The following NTM variants were observed in gnomAD, a reference collection of about 807,000 sequenced individuals.
NTM encodes neurotrimin.
A neutral mutation model predicts 42.1 loss-of-function variants in NTM; 13 were observed. That is an observed-to-expected ratio of 0.31 (90% confidence interval 0.20 to 0.49). The LOEUF (loss-of-function observed/expected upper bound fraction) is 0.49, where lower values mean the gene tolerates loss of function less well. Among genes scored for constraint, NTM ranks in the 20% least tolerant of loss-of-function variants. The pLI is 0.99. For synonymous variants in NTM, 187 were observed against 179.2 expected, an observed-to-expected ratio of 1.04 and a Z score of -0.35; for missense variants, 373 against 452.8, an observed-to-expected ratio of 0.82 and a Z score of 1.60.
At chr11:131,524,364 T>C (rs928192125) in intron 1 of NTM, among the ~76,000 whole-genome samples, 1 of 152,098 alleles carries the variant, frequency 6.6e-6, no homozygotes, top group African/African-American at 2.4e-5. Context: ...CTGGGCCTGG[T>C]GCTGACATGT....
intron 1 of NTM, among the ~76,000 whole-genome samples, chr11:131,460,674 T>C (rs1339008369): frequency 6.6e-6 from 1 of 152,122 alleles, no homozygotes; most frequent in Non-Finnish European, 1.5e-5. Flanking sequence ...TGCCTCAACC[T>C]CCTGAGTAGC....
At chr11:131,724,280 C>A (rs1463833183) in intron 1 of NTM, among the ~76,000 whole-genome samples, 3 of 152,088 alleles carry the variant, frequency 2.0e-5, no homozygotes, top group Non-Finnish European at 4.4e-5. Flanking sequence ...GCCCATCTGG[C>A]TCCTGGCACC....
At chr11:132,305,368 C>T (rs769412673) in intron 4 of NTM, among the ~76,000 whole-genome samples, 18 of 152,202 alleles carry the variant, frequency 1.2e-4, no homozygotes, top group Admixed American at 2.0e-4. Flanking sequence ...GTCCCTGCTC[C>T]GACCCTGGAG....
At chr11:131,881,509 C>CA (rs372489485) in intron 1 of NTM, among the ~76,000 whole-genome samples, 78,151 of 145,094 alleles carry the variant, frequency 0.54, 21,053 homozygotes, top group East Asian at 0.82. Flanking sequence ...CACACACACA[C>CA]CCCCCAAAGC....
intron 1 of NTM, among the ~76,000 whole-genome samples, chr11:131,397,763 G>T (rs34690063): frequency 1.3e-5 from 2 of 152,106 alleles, no homozygotes; most frequent in Non-Finnish European, 2.9e-5. Flanking sequence ...CACCAGCCAT[G>T]CCTTCTCTTT....
chr11:131,965,208 A>G (rs1440686718), intron 2 of NTM, among the ~76,000 whole-genome samples: 2 of 152,100 alleles, frequency 1.3e-5, no homozygotes, highest in Admixed American at 1.3e-4. Flanking sequence ...AGGAACATAT[A>G]CAGAAGCCAA....
intron 1 of NTM, among the ~76,000 whole-genome samples, chr11:131,718,534 C>T (rs971754389): frequency 2.6e-5 from 4 of 152,176 alleles, no homozygotes; most frequent in Non-Finnish European, 1.5e-5. Context: ...CTGGTAGGAA[C>T]AGGCAAGCAT....
At chr11:131,830,073 C>T (rs2042625462) in intron 1 of NTM, among the ~76,000 whole-genome samples, 1 of 152,112 alleles carries the variant, frequency 6.6e-6, no homozygotes, top group Non-Finnish European at 1.5e-5. Context: ...ATGCATTCTC[C>T]ATATTGACCT....
At chr11:132,056,570 C>T (rs769591403) in intron 2 of NTM, among the ~76,000 whole-genome samples, 12 of 152,124 alleles carry the variant, frequency 7.9e-5, no homozygotes, top group African/African-American at 2.4e-4. Context: ...TGAATGAATA[C>T]GTCAATGAAT....
intron 1 of NTM, among the ~76,000 whole-genome samples, chr11:131,691,885 G>C (rs1592579198): frequency 1.3e-5 from 2 of 152,358 alleles, no homozygotes; most frequent in Admixed American, 1.3e-4. Context: ...ACTGCTGGGC[G>C]AGGTAAATAT....
chr11:132,030,720 G>T (rs1445920848), intron 2 of NTM, among the ~76,000 whole-genome samples: 1 of 152,192 alleles, frequency 6.6e-6, no homozygotes, highest in Admixed American at 6.5e-5. Flanking sequence ...TTAAGAAGAA[G>T]ATATGATTCT....
At chr11:131,487,345 T>G (rs755060129) in intron 1 of NTM, among the ~76,000 whole-genome samples, 1 of 152,238 alleles carries the variant, frequency 6.6e-6, no homozygotes, top group African/African-American at 2.4e-5. Flanking sequence ...CAGGGCTTAA[T>G]GAATACTGGA....
At chr11:131,523,924 C>T (rs992188049) in intron 1 of NTM, among the ~76,000 whole-genome samples, 23 of 151,568 alleles carry the variant, frequency 1.5e-4, no homozygotes, top group African/African-American at 5.3e-4. Context: ...AGATGCTGAA[C>T]AGGGTAGCAT....
chr11:132,077,756 G>A (rs563738963), intron 2 of NTM, among the ~76,000 whole-genome samples: 2 of 152,228 alleles, frequency 1.3e-5, no homozygotes, highest in East Asian at 1.9e-4. Flanking sequence ...AATCAAACAA[G>A]CAACAAGAAC....
chr11:131,854,518 T>G (rs1265476117), intron 1 of NTM, among the ~76,000 whole-genome samples: 1 of 152,074 alleles, frequency 6.6e-6, no homozygotes, highest in African/African-American at 2.4e-5. Context: ...CAGAAGGAAA[T>G]GTACTCTACA....
chr11:132,172,201 G>A (rs1566372206), intron 3 of NTM, among the ~76,000 whole-genome samples: 1 of 152,228 alleles, frequency 6.6e-6, no homozygotes, highest in African/African-American at 2.4e-5. Context: ...GATACATGAT[G>A]CGATTTATGT....
intron 1 of NTM, among the ~76,000 whole-genome samples, chr11:131,837,950 A>G (rs1228125619): frequency 6.6e-6 from 1 of 152,226 alleles, no homozygotes; most frequent in East Asian, 1.9e-4. Flanking sequence ...ACGAGTTTTC[A>G]GACAGGTTGG....
At chr11:131,415,255 T>C (rs1445300953) in intron 1 of NTM, among the ~76,000 whole-genome samples, 1 of 152,142 alleles carries the variant, frequency 6.6e-6, no homozygotes, top group East Asian at 1.9e-4. Context: ...GTGCCCAATA[T>C]ATAAAGCAGA....
chr11:131,667,374 C>G (rs1321699939), intron 1 of NTM, among the ~76,000 whole-genome samples: 3 of 152,194 alleles, frequency 2.0e-5, no homozygotes, highest in Non-Finnish European at 4.4e-5. Flanking sequence ...AATAATTCAA[C>G]CGAAGACCCT....
Sources: gnomAD v4.1 joint callset for allele counts (sites outside exome capture counted in the v4.1 genomes callset) on GRCh38, gnomAD v4.1.1 for gene constraint, MANE v1.5 for transcripts, NCBI Gene and HGNC (gene_info 2026-07-23, HGNC 2026-07-21) for gene names.